The following TRPM3 variants were observed in gnomAD, a reference collection of about 807,000 sequenced individuals.
TRPM3 encodes transient receptor potential cation channel subfamily M member 3.
In TRPM3, 77 loss-of-function variants were observed where a neutral mutation model predicts 181.2. That is an observed-to-expected ratio of 0.42 (90% CI 0.35 to 0.51). TRPM3 has a LOEUF of 0.51. TRPM3 is among the 20% of genes least tolerant of loss of function. The pLI, the probability that TRPM3 is intolerant of heterozygous loss-of-function variation, is 0.01. For synonymous variants in TRPM3, 745 were observed against 796.4 expected, an observed-to-expected ratio of 0.94 and a Z score of 1.09; for missense variants, 1,759 against 2,196.7, an observed-to-expected ratio of 0.80 and a Z score of 3.98.
intron 6 of TRPM3, among the ~76,000 whole-genome samples, chr9:70,805,427 G>C (rs1179264321): frequency 6.6e-6 from 1 of 151,252 alleles, no homozygotes; most frequent in Admixed American, 6.6e-5. Flanking sequence ...CCAGCTACTC[G>C]GGAGGCTAAG....
At chr9:71,245,213 C>T (rs568969699) in intron 1 of TRPM3, among the ~76,000 whole-genome samples, 30 of 152,154 alleles carry the variant, frequency 2.0e-4, no homozygotes, top group African/African-American at 7.0e-4. Flanking sequence ...CTTTGGGAGG[C>T]CAAGTTGGGT....
rs1290333156 is a variant in TRPM3, at chr9:70,596,713, A to C, written c.3048+1706T>G. Among the ~76,000 whole-genome samples the C allele has an allele frequency of 2.0e-3, 13 of 6,560 alleles. No homozygotes were observed. In the East Asian group the frequency reaches 0.08, roughly 40 times the overall value. 4.3% of individuals were successfully genotyped at this position (6,560 alleles called of 152,430 possible). ...CTGGGTGACAGAGTAAAACACTGTC[A>C]AAAAAAAAAAAAAAAGAACATCTAT... On this transcript the variant is annotated intron_variant, in intron 21 of 25. Transcript: ENST00000677713.
intron 1 of TRPM3, among the ~76,000 whole-genome samples, chr9:70,984,663 G>A (rs2097401284): frequency 6.6e-6 from 1 of 152,186 alleles, no homozygotes. Context: ...TTGGAGTGAT[G>A]TGGCCAGGAG....
At chr9:70,544,630 A>G (rs1442048738) in intron 25 of TRPM3, among the ~76,000 whole-genome samples, 1 of 152,084 alleles carries the variant, frequency 6.6e-6, no homozygotes, top group Non-Finnish European at 1.5e-5. Context: ...TGTCTAAGAT[A>G]TAGTAAGTGT....
chr9:70,847,978 C>G (rs1201589363), intron 3 of TRPM3, among the ~76,000 whole-genome samples: 3 of 152,000 alleles, frequency 2.0e-5, no homozygotes, highest in African/African-American at 7.3e-5. Context: ...CATAGTAAAA[C>G]CATAAAATAA....
At chr9:70,783,794 T>C in intron 7 of TRPM3, 2 of 994,986 alleles carry the variant, frequency 2.0e-6, no homozygotes, top group Non-Finnish European at 2.4e-6. Flanking sequence ...TTCCTGCTTC[T>C]CCTTACTGGG....
At chr9:70,831,967 ATAT>A (rs2093938333) in intron 5 of TRPM3, among the ~76,000 whole-genome samples, 1 of 66,230 alleles carries the variant, frequency 1.5e-5, no homozygotes, top group African/African-American at 6.1e-5. Flanking sequence ...CCATAAATAT[ATAT>A]ATATATATAT....
At chr9:70,645,786 G>A (rs1176080295) in intron 9 of TRPM3, among the ~76,000 whole-genome samples, 4 of 151,950 alleles carry the variant, frequency 2.6e-5, no homozygotes, top group Non-Finnish European at 5.9e-5. Flanking sequence ...TCATCAGAGT[G>A]ATCAGGCAAC....
intron 17 of TRPM3, among the ~76,000 whole-genome samples, chr9:70,617,635 T>C (rs527630327): frequency 1.1e-4 from 16 of 152,290 alleles, no homozygotes; most frequent in Non-Finnish European, 1.3e-4. Context: ...GTTAATTTGC[T>C]TGACTAGAGT....
chr9:70,572,544 T>C (rs1330344519), intron 22 of TRPM3, among the ~76,000 whole-genome samples: 6 of 152,244 alleles, frequency 3.9e-5, no homozygotes, highest in Admixed American at 2.6e-4. Flanking sequence ...CTACAGTCTC[T>C]CATTTTTTAT....
chr9:70,672,796 G>C (rs1419179342), intron 9 of TRPM3, among the ~76,000 whole-genome samples: 26 of 152,068 alleles, frequency 1.7e-4, no homozygotes, highest in Non-Finnish European at 2.9e-5. Flanking sequence ...TAGGGGGAGT[G>C]ATGCCAGGAG....
intron 8 of TRPM3, among the ~76,000 whole-genome samples, chr9:70,692,472 C>A (rs1424689832): frequency 1.3e-5 from 2 of 152,172 alleles, no homozygotes; most frequent in Non-Finnish European, 2.9e-5. Flanking sequence ...TAAAAGGAAG[C>A]TTGTGTTGTC....
chr9:71,107,539 G>A (rs548908345), intron 1 of TRPM3, among the ~76,000 whole-genome samples: 66 of 152,078 alleles, frequency 4.3e-4, no homozygotes, highest in Middle Eastern at 3.4e-3. Flanking sequence ...TGTTCTTTTC[G>A]TCTTTGAATT....
chr9:70,606,672 T>G (rs911396068), intron 19 of TRPM3, among the ~76,000 whole-genome samples: 1 of 151,958 alleles, frequency 6.6e-6, no homozygotes, highest in Admixed American at 6.6e-5. Context: ...TATATATGTA[T>G]ACTCTGTAAG....
chr9:70,643,947 A>G (rs553709516), intron 9 of TRPM3, among the ~76,000 whole-genome samples: 5 of 152,376 alleles, frequency 3.3e-5, no homozygotes, highest in Admixed American at 1.3e-4. Flanking sequence ...TATGGGAGGC[A>G]GTATGCCAGC....
At chr9:70,835,961 A>G (rs1383561599) in intron 5 of TRPM3, among the ~76,000 whole-genome samples, 1 of 152,184 alleles carries the variant, frequency 6.6e-6, no homozygotes, top group Admixed American at 6.5e-5. Context: ...TGACTTCTGA[A>G]TGCCACTGTG....
rs143439877 is a variant in TRPM3, at chr9:70,759,933, A to G, written c.1272+1668T>C. Among the ~76,000 whole-genome samples, 19 of 152,216 alleles carry G rather than the reference A, an allele frequency of 1.2e-4. 1 individual carries two copies. In the East Asian group the frequency reaches 2.7e-3, roughly 22 times the overall value. ...ATGTATACCTATTTAACAAACCTGAATGTTCTACACAAGTATCCCAGAACT... is the reference window on the plus strand; with the variant it reads ...ATGTATACCTATTTAACAAACCTGAGTGTTCTACACAAGTATCCCAGAACT... On this transcript the variant is annotated intron_variant, in intron 8 of 25. Coordinates refer to ENST00000677713, the MANE Select transcript of TRPM3 (RefSeq NM_001366145.2).
At position 70,842,991 on chromosome 9, in the gene TRPM3, C is replaced by G. The variant is rs1306826671; in HGVS notation, c.801+12G>C. 1.2e-6 allele frequency: 2 copies of G among 1,612,470 alleles called. No homozygotes were observed. The highest frequency in any genetic ancestry group is 1.7e-6 in the Non-Finnish European group (2 of 1,179,506). On this transcript the variant is annotated intron_variant, in intron 5 of 25. Transcript: ENST00000677713. ...GGAGAAGTCATGGAAAGCGACAGCA[C>G]TCAGGACTTACATCTCTTCCAATGA... is the stretch of plus-strand genomic sequence containing the variant.
In TRPM3 at chr9:70,547,327, C is replaced by T. The variant is rs1414851; in HGVS notation, c.3707+2215G>A. 0.011 allele frequency among the ~76,000 whole-genome samples: 1,655 copies of T among 152,002 alleles called. 91 individuals are homozygous for T. In the East Asian group the frequency reaches 0.16, roughly 14 times the overall value. ...TATGTGTATATGTCTCTACCCCTTTCTCTTGCTCAATCAAATGTAAATAAG... is the reference window on the plus strand; with the variant it reads ...TATGTGTATATGTCTCTACCCCTTTTTCTTGCTCAATCAAATGTAAATAAG... On this transcript the variant is annotated intron_variant, in intron 25 of 25. Coordinates refer to ENST00000677713, the MANE Select transcript of TRPM3 (RefSeq NM_001366145.2).
Sources: gnomAD v4.1 joint callset for allele counts (sites outside exome capture counted in the v4.1 genomes callset) on GRCh38, gnomAD v4.1.1 for gene constraint, MANE v1.5 for transcripts, NCBI Gene and HGNC (gene_info 2026-07-23, HGNC 2026-07-21) for gene names.